The following UXS1 variants were observed in gnomAD, a reference collection of about 807,000 sequenced individuals.
UXS1 encodes the protein UDP-glucuronic acid decarboxylase 1.
Under a neutral mutation model 62.6 loss-of-function variants are expected in UXS1, and 33 were observed. The ratio of observed to expected loss-of-function variants is 0.53; its 90% CI spans 0.40 to 0.70. The LOEUF is 0.70. UXS1 is among the 30% of genes least tolerant of loss of function. The probability of loss-of-function intolerance (pLI) is 0.00; values close to 1 mark genes in which losing one functional copy is unlikely to be tolerated. For synonymous variants in UXS1, 213 were observed against 206.8 expected (o/e 1.03, Z -0.26); for missense variants, 434 against 556.3 (o/e 0.78, Z 2.21).
intron 7 of UXS1, among the ~76,000 whole-genome samples, chr2:106,129,361 G>C (rs973822138): frequency 6.6e-6 from 1 of 152,184 alleles, no homozygotes; most frequent in Non-Finnish European, 1.5e-5. Context: ...AGGAGGGGAG[G>C]GGGGCAGGCT....
At chr2:106,137,389 G>C (rs1440550024) in intron 6 of UXS1, among the ~76,000 whole-genome samples, 3 of 152,168 alleles carry the variant, frequency 2.0e-5, no homozygotes, top group African/African-American at 7.2e-5. Flanking sequence ...AGGGCTGCAG[G>C]TAGAAGCAGC....
chr2:106,188,695 A>G (rs556443933), intron 1 of UXS1, among the ~76,000 whole-genome samples: 3 of 152,202 alleles, frequency 2.0e-5, no homozygotes, highest in Non-Finnish European at 4.4e-5. Context: ...CGCAGCACTA[A>G]GGTCAGAAGG....
In UXS1 at chr2:106,164,736, C is replaced by T. The variant is rs1683107276; in HGVS notation, c.186G>A (p.Glu62=). ...ATACAAAAATAGAAAAAAGACTAAC[C>T]TCTTCAATCTTGCTTTCAATTTTTA... The part of the protein sequence containing the change: ...GELKIESKIE[E]MVEPLREKIR... The change falls in exon 3 of 15, where the codon GAG becomes GAA. Residue 62 remains glutamate, a splice_region_variant and synonymous_variant. Coordinates refer to ENST00000283148, the MANE Select transcript of UXS1 (RefSeq NM_001253875.2). 3 of 1,573,242 alleles carry T rather than the reference C, an allele frequency of 1.9e-6. No homozygotes were observed. Among genetic ancestry groups the T allele is most frequent in the Admixed American group, 1.8e-5 (1 of 54,146 alleles).
chr2:106,170,575 T>C (rs573361066), intron 1 of UXS1, among the ~76,000 whole-genome samples: 1 of 152,238 alleles, frequency 6.6e-6, no homozygotes, highest in African/African-American at 2.4e-5. Context: ...AATGTTTTCA[T>C]GTCAAGTGTT....
At chr2:106,105,075 A>C (rs1211307941) in intron 10 of UXS1, among the ~76,000 whole-genome samples, 1 of 152,216 alleles carries the variant, frequency 6.6e-6, no homozygotes, top group East Asian at 1.9e-4. Context: ...GTTTTCCCTC[A>C]AAAGACAGTG....
intron 4 of UXS1, 113 bp downstream of exon 4, chr2:106,163,554 G>A (rs897165577): frequency 2.4e-5 from 16 of 656,934 alleles, no homozygotes; most frequent in East Asian, 1.0e-4. Context: ...GGGGAAATGC[G>A]TATACAGACA....
At chr2:106,164,900 T>C (rs1683119052) in intron 2 of UXS1, 101 bp from the exon 3 acceptor site, 2 of 784,766 alleles carry the variant, frequency 2.5e-6, no homozygotes, top group Non-Finnish European at 4.0e-6. Flanking sequence ...CTCTGTCTCC[T>C]GCTCAAGTAT....
chr2:106,180,904 T>C (rs574748323), intron 1 of UXS1, among the ~76,000 whole-genome samples: 1 of 152,326 alleles, frequency 6.6e-6, no homozygotes, highest in African/African-American at 2.4e-5. Flanking sequence ...TACCATGCTA[T>C]TTCTTTTGCC....
intron 10 of UXS1, among the ~76,000 whole-genome samples, chr2:106,107,816 T>C (rs1678213213): frequency 6.6e-6 from 1 of 152,206 alleles, no homozygotes; most frequent in South Asian, 2.1e-4. Context: ...ACAAGGTTCA[T>C]CTGCAGGCAC....
intron 13 of UXS1, chr2:106,097,169 C>A (rs372674965): frequency 4.2e-6 from 2 of 472,776 alleles, no homozygotes; most frequent in East Asian, 6.5e-5. Context: ...ACGTGCCCAC[C>A]GAGCATGACC....
intron 10 of UXS1, among the ~76,000 whole-genome samples, chr2:106,107,822 G>A (rs1008527980): frequency 2.6e-5 from 4 of 152,228 alleles, no homozygotes; most frequent in African/African-American, 7.2e-5. Flanking sequence ...TTCATCTGCA[G>A]GCACCACGGT....
chr2:106,192,255 T>C (rs114300513), intron 1 of UXS1, among the ~76,000 whole-genome samples: 3,275 of 152,294 alleles, frequency 0.022, 49 homozygotes, highest in Admixed American at 0.052. Flanking sequence ...AGATGAATGA[T>C]TGGTTAAAAA....
chr2:106,099,611 G>A (rs748364370), intron 12 of UXS1, among the ~76,000 whole-genome samples: 1 of 152,170 alleles, frequency 6.6e-6, no homozygotes, highest in Non-Finnish European at 1.5e-5. Flanking sequence ...TTTAGGAATT[G>A]TCCCTGTGCA....
chr2:106,171,306 A>ATT (rs1553436720), intron 1 of UXS1, among the ~76,000 whole-genome samples: 1 of 152,148 alleles, frequency 6.6e-6, no homozygotes, highest in Non-Finnish European at 1.5e-5. Flanking sequence ...CACTTTCATA[A>ATT]TCTCTGAGTC....
chr2:106,171,586 G>C (rs549640827), intron 1 of UXS1, among the ~76,000 whole-genome samples: 3 of 152,136 alleles, frequency 2.0e-5, no homozygotes. Context: ...TTTAGAATAG[G>C]GATATAGCCT....
intron 10 of UXS1, among the ~76,000 whole-genome samples, 200 bp from the exon 11 acceptor site, chr2:106,105,037 A>G (rs1677941065): frequency 6.6e-6 from 1 of 152,056 alleles, no homozygotes; most frequent in East Asian, 1.9e-4. Flanking sequence ...GCAATACCTA[A>G]AGTGTGCACC....
At position 106,166,147 on chromosome 2, in the gene UXS1, T is replaced by A. The variant is rs958677950; in HGVS notation, c.95-64A>T. Reference sequence around the variant, plus strand: ...CACAACTTTCAGGGATTCCAATGGATGGAATCTTAAATTTTAACCAATATT... The same window carrying A: ...CACAACTTTCAGGGATTCCAATGGAAGGAATCTTAAATTTTAACCAATATT... On this transcript the variant is annotated intron_variant, in intron 1 of 14. Transcript: ENST00000283148. 2.0e-6 allele frequency: 3 copies of A among 1,482,750 alleles called. No homozygotes were observed. The African/African-American group carries it at 4.2e-5, about 21-fold the overall frequency. The allele number at this position is 1,482,750 out of a possible 1,614,324, so 91.8% of individuals were successfully genotyped here. A position where few individuals can be genotyped will look rare whatever the true frequency, so the allele number is the denominator to read the frequency against.
At chr2:106,095,678 G>A (rs1025524651) in intron 14 of UXS1, among the ~76,000 whole-genome samples, 6 of 152,188 alleles carry the variant, frequency 3.9e-5, no homozygotes, top group Non-Finnish European at 7.3e-5. Flanking sequence ...GCCTCTGCCC[G>A]AGGGGAGCCC....
At chr2:106,123,818 T>G (rs900696347) in intron 8 of UXS1, among the ~76,000 whole-genome samples, 3 of 152,214 alleles carry the variant, frequency 2.0e-5, no homozygotes, top group Non-Finnish European at 4.4e-5. Flanking sequence ...TTATACATAC[T>G]TGAGTACAAC....
Sources: allele counts gnomAD v4.1 joint callset (sites outside exome capture counted in the v4.1 genomes callset), GRCh38; gene constraint gnomAD v4.1.1; transcripts MANE v1.5; gene names NCBI Gene and HGNC (gene_info 2026-07-23, HGNC 2026-07-21).